The following TM2D1 variants were observed in gnomAD, a reference collection of about 807,000 sequenced individuals.
TM2D1 encodes the protein TM2 domain-containing protein 1.
Under a neutral mutation model 28.4 loss-of-function variants are expected in TM2D1, and 15 were observed. The observed-to-expected ratio is 0.53, with a 90% CI of 0.35 to 0.81. The LOEUF (loss-of-function observed/expected upper bound fraction) is 0.81, where lower values mean the gene tolerates loss of function less well. Ranked by LOEUF, TM2D1 falls within the 40% of genes least tolerant of loss-of-function variation. The probability of loss-of-function intolerance (pLI) is 0.01; values close to 1 mark genes in which losing one functional copy is unlikely to be tolerated. For missense variants in TM2D1, 236 were observed against 254.9 expected, an observed-to-expected ratio of 0.93 and a Z score of 0.50; for synonymous variants, 93 against 96.2, an observed-to-expected ratio of 0.97 and a Z score of 0.20.
rs1244340546 is a variant in TM2D1, at chr1:61,694,987, TAAC to T, written c.440-220_440-218del. ...ATGCCAAAAAATAATTTAATTCCCT[TAAC>T]AAATAAATATTAGTAACTGAAAAAA... On this transcript the variant is annotated intron_variant, in intron 4 of 6. Coordinates refer to ENST00000606498, the MANE Select transcript of TM2D1 (RefSeq NM_032027.3). 3.3e-5 allele frequency among the ~76,000 whole-genome samples: 5 copies of T among 151,996 alleles called. No homozygotes were observed. In the East Asian group the frequency reaches 7.7e-4, roughly 23 times the overall value.
At chr1:61,687,702 GA>G (rs1423602549) in intron 5 of TM2D1, among the ~76,000 whole-genome samples, 1 of 129,042 alleles carries the variant, frequency 7.7e-6, no homozygotes, top group East Asian at 2.6e-4. Flanking sequence ...ATGAAGAAGT[GA>G]AAGAAAAAAA....
intron 2 of TM2D1, among the ~76,000 whole-genome samples, chr1:61,718,590 G>GA (rs1570129496): frequency 6.6e-6 from 1 of 151,840 alleles, no homozygotes; most frequent in Non-Finnish European, 1.5e-5. Flanking sequence ...TAGTTGCAAA[G>GA]AAAAAAATAC....
chr1:61,718,163 G>A (rs1437905763), intron 2 of TM2D1, among the ~76,000 whole-genome samples: 1 of 151,996 alleles, frequency 6.6e-6, no homozygotes, highest in African/African-American at 2.4e-5. Context: ...ACAAAAAAAT[G>A]CAAAAATTAG....
intron 2 of TM2D1, among the ~76,000 whole-genome samples, chr1:61,710,685 T>C (rs1644472531): frequency 6.6e-6 from 1 of 151,894 alleles, no homozygotes; most frequent in East Asian, 1.9e-4. Flanking sequence ...CCTCTATGTT[T>C]AGCATCAAGA....
intron 2 of TM2D1, among the ~76,000 whole-genome samples, chr1:61,715,339 A>C (rs1192692427): frequency 6.6e-6 from 1 of 152,118 alleles, no homozygotes; most frequent in Admixed American, 6.6e-5. Context: ...GTGACATGGG[A>C]CATATCTTTT....
intron 2 of TM2D1, among the ~76,000 whole-genome samples, chr1:61,720,385 G>A (rs1216244844): frequency 1.3e-5 from 2 of 152,106 alleles, no homozygotes; most frequent in African/African-American, 4.8e-5. Flanking sequence ...GGGACTACAG[G>A]CATGTGCCAC....
At chr1:61,702,079 A>G (rs1644406134) in intron 3 of TM2D1, among the ~76,000 whole-genome samples, 1 of 151,934 alleles carries the variant, frequency 6.6e-6, no homozygotes, top group Non-Finnish European at 1.5e-5. Context: ...AATCCCAGCT[A>G]CTCGGGAGGC....
intron 2 of TM2D1, among the ~76,000 whole-genome samples, chr1:61,714,472 C>T (rs1214410536): frequency 6.6e-6 from 1 of 152,008 alleles, no homozygotes; most frequent in Non-Finnish European, 1.5e-5. Context: ...ACCCGGGAAG[C>T]GGAGGTTTCA....
chr1:61,684,339 C>G (rs988147575), intron 5 of TM2D1, among the ~76,000 whole-genome samples: 1 of 152,130 alleles, frequency 6.6e-6, no homozygotes, highest in African/African-American at 2.4e-5. Flanking sequence ...AACAAATTTG[C>G]CTGATACCAT....
intron 5 of TM2D1, among the ~76,000 whole-genome samples, chr1:61,684,247 T>C (rs1644267766): frequency 6.6e-6 from 1 of 152,228 alleles, no homozygotes; most frequent in African/African-American, 2.4e-5. Context: ...GCATTAAAGG[T>C]GGACAAAGAT....
chr1:61,689,501 T>C (rs536242504), intron 5 of TM2D1, among the ~76,000 whole-genome samples: 49 of 152,152 alleles, frequency 3.2e-4, no homozygotes, highest in Non-Finnish European at 2.1e-4. Flanking sequence ...TCCTGAGCAG[T>C]TGGAACTACA....
intron 5 of TM2D1, among the ~76,000 whole-genome samples, chr1:61,690,731 T>G (rs1482220532): frequency 6.6e-6 from 1 of 152,116 alleles, no homozygotes; most frequent in Admixed American, 6.5e-5. Context: ...TAAAAGTCAT[T>G]TTTCCTCAAA....
intron 5 of TM2D1, among the ~76,000 whole-genome samples, chr1:61,691,201 T>A: frequency 6.6e-6 from 1 of 152,148 alleles, no homozygotes; most frequent in East Asian, 1.9e-4. Flanking sequence ...TTTGGTATAA[T>A]TAAAAATGCC....
Position 61,691,932 on chromosome 1 carries a change from A to AAAAATATATATATAT in TM2D1, c.513+2764_513+2765insATATATATATATTTT. On this transcript the variant is annotated intron_variant, in intron 5 of 6. Transcript: ENST00000606498. Reference sequence around the variant, plus strand: ...TCTCAAAAAAAACTTAAAAAAAAAAAATATATATATATATATATATATATA... The same window carrying AAAAATATATATATAT: ...TCTCAAAAAAAACTTAAAAAAAAAAAAAAATATATATATATATATATATATATATATATATATATA... Among the ~76,000 whole-genome samples, 362 of 76,220 alleles carry AAAAATATATATATAT rather than the reference A, an allele frequency of 4.7e-3. 2 individuals are homozygous for AAAAATATATATATAT. The highest frequency in any genetic ancestry group is 0.011 in the Middle Eastern group (1 of 94). The allele number at this position is 76,220 out of a possible 152,430, so 50.0% of individuals were successfully genotyped here.
At chr1:61,687,895 T>C (rs940310266) in intron 5 of TM2D1, among the ~76,000 whole-genome samples, 1 of 152,192 alleles carries the variant, frequency 6.6e-6, no homozygotes, top group African/African-American at 2.4e-5. Context: ...CCTGTATCCA[T>C]CCCAACTCCC....
intron 1 of TM2D1, 29 bp downstream of exon 1, chr1:61,724,928 C>T (rs558016823): frequency 3.8e-6 from 6 of 1,560,234 alleles, no homozygotes; most frequent in Non-Finnish European, 5.2e-6. Context: ...ACCTCGCCTC[C>T]ATGGGGGGGT....
At chr1:61,724,035 C>A (rs1357383283) in intron 1 of TM2D1, among the ~76,000 whole-genome samples, 1 of 152,128 alleles carries the variant, frequency 6.6e-6, no homozygotes, top group Non-Finnish European at 1.5e-5. Flanking sequence ...TCTGTCTCTA[C>A]AAATAATATA....
intron 5 of TM2D1, among the ~76,000 whole-genome samples, chr1:61,693,983 C>G (rs1469462285): frequency 6.6e-6 from 1 of 152,130 alleles, no homozygotes; most frequent in Non-Finnish European, 1.5e-5. Flanking sequence ...TTAAGGACAG[C>G]ATTTCACAAA....
At chr1:61,703,413 ATTT>A (rs562710565) in intron 3 of TM2D1, among the ~76,000 whole-genome samples, 2 of 131,468 alleles carry the variant, frequency 1.5e-5, no homozygotes, top group African/African-American at 2.8e-5. Context: ...GTTTCACATA[ATTT>A]TTTTTTTTTT....
Sources: allele counts gnomAD v4.1 joint callset (sites outside exome capture counted in the v4.1 genomes callset), GRCh38; gene constraint gnomAD v4.1.1; transcripts MANE v1.5; gene names NCBI Gene and HGNC (gene_info 2026-07-23, HGNC 2026-07-21).